Variants in TLE2 observed in about 807,000 individuals in gnomAD.
TLE2 encodes the protein transducin-like enhancer protein 2.
Under a neutral mutation model 97.2 loss-of-function variants are expected in TLE2, and 74 were observed. That is an observed-to-expected ratio of 0.76 (90% CI 0.63 to 0.92). The LOEUF (loss-of-function observed/expected upper bound fraction) is 0.92, where lower values mean the gene tolerates loss of function less well. TLE2 is among the 40% of genes least tolerant of loss of function. The pLI is 0.00. For synonymous variants in TLE2, 499 were observed against 432.1 expected (o/e 1.15, Z -1.92); for missense variants, 1,038 against 1,008.7 (o/e 1.03, Z -0.39).
chr19:2,999,040 C>G (rs375083), intron 19 of TLE2, among the ~76,000 whole-genome samples: 59,818 of 151,996 alleles, frequency 0.39, 13,976 homozygotes, highest in African/African-American at 0.65. Flanking sequence ...TCGGCGCTTC[C>G]GGAGGCCGAG....
At chr19:2,998,413 G>T (rs902296778) in intron 19 of TLE2, among the ~76,000 whole-genome samples, 4 of 152,052 alleles carry the variant, frequency 2.6e-5, no homozygotes, top group African/African-American at 9.7e-5. Context: ...AAGCAGCTGG[G>T]ATTGCAGGTG....
At chr19:3,034,308 A>C (rs2090047191) in intron 1 of TLE2, among the ~76,000 whole-genome samples, 1 of 149,048 alleles carries the variant, frequency 6.7e-6, no homozygotes, top group African/African-American at 2.5e-5. Context: ...GTTTTTGGTG[A>C]TCTTCAATTG....
At chr19:3,034,700 C>T (rs1374554851) in intron 1 of TLE2, among the ~76,000 whole-genome samples, 1 of 151,974 alleles carries the variant, frequency 6.6e-6, no homozygotes, top group Non-Finnish European at 1.5e-5. Context: ...CACACACACA[C>T]ACATACACAC....
intron 1 of TLE2, among the ~76,000 whole-genome samples, chr19:3,041,015 T>A (rs12971668): frequency 0.017 from 261 of 15,472 alleles, no homozygotes; most frequent in East Asian, 0.033. Flanking sequence ...ATATATATAT[T>A]TTTTTTTTTT....
chr19:3,014,069 G>A (rs1454027644), intron 10 of TLE2, among the ~76,000 whole-genome samples: 1 of 151,420 alleles, frequency 6.6e-6, no homozygotes, highest in Admixed American at 6.6e-5. Context: ...GGGTTCAAGC[G>A]AGCACATCCA....
chr19:3,037,995 G>A lies in TLE2; in HGVS notation c.63+7731C>T, dbSNP rs146797056. 1.3e-3 allele frequency among the ~76,000 whole-genome samples: 195 copies of A among 151,970 alleles called. 1 individual carries two copies. Among genetic ancestry groups the A allele is most frequent in the African/African-American group, 4.4e-3 (181 of 41,454 alleles). ...AAATTAGTCGAGCAAGGTGGCACAC[G>A]CCTGTAATCCCAGCTACTCAGGAGG... On this transcript the variant is annotated intron_variant, in intron 1 of 18. Transcript: ENST00000426948.
intron 4 of TLE2, 102 bp from the exon 5 acceptor site, chr19:3,025,184 G>A (rs1885334147): frequency 7.9e-7 from 1 of 1,259,298 alleles, no homozygotes; most frequent in Non-Finnish European, 1.1e-6. Context: ...GAAGGGTTGG[G>A]GAGGTGACGC....
intron 8 of TLE2, chr19:3,016,023 G>T (rs2089695919): frequency 1.8e-6 from 1 of 553,528 alleles, no homozygotes; most frequent in East Asian, 4.1e-5. Flanking sequence ...TGAGACCCCC[G>T]CCTCCCGGGT....
intron 17 of TLE2, among the ~76,000 whole-genome samples, chr19:3,003,489 T>A (rs897389963): frequency 1.3e-5 from 2 of 151,794 alleles, no homozygotes; most frequent in Non-Finnish European, 2.9e-5. Flanking sequence ...AATGCAAAAA[T>A]TAGCTGGGCG....
At chr19:3,006,088 C>T (rs779804672) in intron 15 of TLE2, 120 bp from the exon 16 acceptor site, 2 of 1,275,028 alleles carry the variant, frequency 1.6e-6, no homozygotes, top group Admixed American at 1.7e-5. Context: ...GCCTGCAAGC[C>T]CTACCCTGAT....
chr19:3,018,177 G>C (rs1261456351), intron 7 of TLE2, among the ~76,000 whole-genome samples: 1 of 152,154 alleles, frequency 6.6e-6, no homozygotes, highest in African/African-American at 2.4e-5. Flanking sequence ...TGTTGCCCAG[G>C]CTGGAGTGCA....
intron 1 of TLE2, among the ~76,000 whole-genome samples, chr19:3,035,406 C>G (rs975273069): frequency 3.9e-5 from 6 of 152,092 alleles, no homozygotes. Flanking sequence ...GTTTCCCCAG[C>G]TGCACCATCA....
rs2145147598 is a variant in TLE2, at chr19:3,011,160, T to C, written c.874A>G (p.Asn292Asp). The C allele has an allele frequency of 6.3e-7, 1 of 1,592,834 alleles. No homozygotes were observed. The highest frequency in any genetic ancestry group is 8.6e-7 in the Non-Finnish European group (1 of 1,169,230). Residue 292 changes from asparagine (N) to aspartate (D), a missense_variant and splice_region_variant, in exon 12 of 20, where the codon AAT becomes GAT. Physicochemically the swap from Asn to Asp is conservative, Grantham distance 23. Coordinates refer to ENST00000262953, the MANE Select transcript of TLE2 (RefSeq NM_003260.5). ...GCAGGAGTGCTGGCGGGAAGGTCAT[T>C]CTGCAGAGAAAGGGCAGGACTGAAG... The part of the protein sequence containing the change: ...PLPRAKELIL[N>D]DLPASTPASK...
At chr19:2,998,219 C>G (rs1228510764) in intron 19 of TLE2, among the ~76,000 whole-genome samples, 1 of 148,650 alleles carries the variant, frequency 6.7e-6, no homozygotes, top group Admixed American at 6.7e-5. Context: ...TATAGGCGCC[C>G]GCAACCACGC....
chr19:3,019,593 G>A lies in TLE2; in HGVS notation c.369+106C>T, dbSNP rs1445195429. The A allele has an allele frequency of 9.9e-6, 15 of 1,517,738 alleles. No homozygotes were observed. In the Admixed American group the frequency reaches 2.7e-4, roughly 27 times the overall value. 94.0% of individuals were successfully genotyped at this position (1,517,738 alleles called of 1,614,324 possible). Reference sequence around the variant, plus strand: ...GCCCCTGGGGTTCCCAGGACCACTGGAGCCAAGGCCCACACACCACCCCAG... The same window carrying A: ...GCCCCTGGGGTTCCCAGGACCACTGAAGCCAAGGCCCACACACCACCCCAG... On this transcript the variant is annotated intron_variant, in intron 6 of 19. Coordinates refer to ENST00000262953, the MANE Select transcript of TLE2 (RefSeq NM_003260.5). This position sits in a 1 kb window ranked among gnomAD's most constrained non-coding sequence, Gnocchi z 5.1.
At chr19:3,028,543 C>T (rs943359290) in intron 2 of TLE2, among the ~76,000 whole-genome samples, 161 bp from the exon 3 acceptor site, 1 of 151,398 alleles carries the variant, frequency 6.6e-6, no homozygotes, top group African/African-American at 2.4e-5. Flanking sequence ...TGCCCCAGCT[C>T]TGACTGTCCC....
upstream of TLE2, chr19:3,029,555 G>T: frequency 2.4e-6 from 2 of 823,758 alleles, no homozygotes; most frequent in African/African-American, 2.8e-5. Flanking sequence ...CCCACCGTGG[G>T]AGCGGGGGGG....
At chr19:3,000,817 C>A in intron 18 of TLE2, 94 bp from the exon 19 acceptor site, 1 of 820,684 alleles carries the variant, frequency 1.2e-6, no homozygotes, top group Admixed American at 3.0e-5. Flanking sequence ...CTGGGTCTGG[C>A]CTCTCCCTTT....
intron 18 of TLE2, among the ~76,000 whole-genome samples, chr19:3,001,744 A>T (rs2089364737): frequency 6.6e-6 from 1 of 150,684 alleles, no homozygotes; most frequent in Non-Finnish European, 1.5e-5. Context: ...CAAGTAGCTG[A>T]AACTACACAC....
Sources: gnomAD v4.1 joint callset for allele counts (sites outside exome capture counted in the v4.1 genomes callset) on GRCh38, gnomAD v4.1.1 for gene constraint, Gnocchi (gnomAD v3.1) non-coding constraint, MANE v1.5 for transcripts, NCBI Gene and HGNC (gene_info 2026-07-23, HGNC 2026-07-21) for gene names.